Variants in SGF29 observed in about 807,000 individuals in gnomAD.
SGF29 encodes SAGA complex associated factor 29.
In SGF29, 15 loss-of-function variants were observed where a neutral mutation model predicts 38.1. That is an observed-to-expected ratio of 0.39 (90% confidence interval 0.26 to 0.61). SGF29 has a LOEUF of 0.61. Among genes scored for constraint, SGF29 ranks in the 20% least tolerant of loss-of-function variants. The pLI, the probability that SGF29 is intolerant of heterozygous loss-of-function variation, is 0.49. For missense variants in SGF29, 184 were observed against 394.6 expected, an observed-to-expected ratio of 0.47 and a Z score of 4.52; for synonymous variants, 151 against 160.8, an observed-to-expected ratio of 0.94 and a Z score of 0.46.
intron 1 of SGF29, 178 bp downstream of exon 1, chr16:28,554,275 G>T (rs1436086872): frequency 1.3e-5 from 2 of 151,754 alleles, no homozygotes; most frequent in Admixed American, 6.6e-5. Context: ...AGAGGAGGGC[G>T]GGGCCGGGGC....
chr16:28,589,551 T>A, intron 5 of SGF29: 1 of 224,422 alleles, frequency 4.5e-6, no homozygotes, highest in Non-Finnish European at 8.9e-6. Flanking sequence ...TAGGCTCTCC[T>A]ACCTGTCTGC....
intron 1 of SGF29, among the ~76,000 whole-genome samples, chr16:28,573,613 G>T (rs571773717): frequency 6.6e-6 from 1 of 152,298 alleles, no homozygotes; most frequent in South Asian, 2.1e-4. Flanking sequence ...TTCACTGGTA[G>T]AGGAGAAAGG....
At chr16:28,571,612 T>G (rs2046865180) in intron 1 of SGF29, among the ~76,000 whole-genome samples, 1 of 129,190 alleles carries the variant, frequency 7.7e-6, no homozygotes. Flanking sequence ...AAAAAAAAGA[T>G]TCTGAATCTT....
chr16:28,589,266 C>A, intron 5 of SGF29, 102 bp downstream of exon 5: 1 of 1,179,284 alleles, frequency 8.5e-7, no homozygotes, highest in South Asian at 1.2e-5. Flanking sequence ...CCACCACCTG[C>A]TGGCATCCTC....
chr16:28,563,684 G>A (rs772603378), intron 1 of SGF29, among the ~76,000 whole-genome samples: 2 of 140,680 alleles, frequency 1.4e-5, no homozygotes, highest in Non-Finnish European at 3.1e-5. Context: ...ACTCAGTTTT[G>A]TGTGTGTGTG....
intron 1 of SGF29, among the ~76,000 whole-genome samples, chr16:28,561,916 C>G (rs1343942256): frequency 6.6e-6 from 1 of 152,318 alleles, no homozygotes; most frequent in South Asian, 2.1e-4. Flanking sequence ...TCACAGAAAC[C>G]TTTGCTTCTA....
At chr16:28,583,940 G>A (rs1032744655) in intron 2 of SGF29, among the ~76,000 whole-genome samples, 1 of 152,086 alleles carries the variant, frequency 6.6e-6, no homozygotes, top group African/African-American at 2.4e-5. Context: ...AATTTTGATG[G>A]GGATTGCGTT....
In SGF29 at chr16:28,571,142, G is replaced by A. The variant is rs117518447; in HGVS notation, c.-15-9913G>A. On this transcript the variant is annotated intron_variant, in intron 1 of 9. Coordinates refer to ENST00000317058, the MANE Select transcript of SGF29 (RefSeq NM_138414.3). ...TGAGGATTCCACTCTCAAGAATGGG[G>A]TTAGCGCCCTTATGAAAGAGGCCTG... 8.9e-3 allele frequency among the ~76,000 whole-genome samples: 1,348 copies of A among 152,236 alleles called. 9 individuals carry two copies. The highest frequency in any genetic ancestry group is 0.014 in the Non-Finnish European group (967 of 68,010).
chr16:28,557,485 G>GTGTTT (rs2046759468), intron 1 of SGF29, among the ~76,000 whole-genome samples: 1 of 152,146 alleles, frequency 6.6e-6, no homozygotes, highest in Non-Finnish European at 1.5e-5. Flanking sequence ...TTTATAATAA[G>GTGTTT]CCAGTAAACC....
chr16:28,590,553 A>G lies in SGF29; in HGVS notation c.567-78A>G. On this transcript the variant is annotated intron_variant, in intron 7 of 9. Transcript: ENST00000317058. The surrounding 1 kb of genome is among the most constrained non-coding windows in gnomAD (Gnocchi z 8.2). ...AGAGGCTGGTTGTGCAGGGAGCACC[A>G]GGTCCTCCCCCATCCTCACTCCCCA... 1.2e-6 allele frequency: 2 copies of G among 1,609,772 alleles called. No homozygotes were observed. Among genetic ancestry groups the G allele is most frequent in the Non-Finnish European group, 1.7e-6 (2 of 1,177,102 alleles).
At chr16:28,560,483 G>T (rs1441342644) in intron 1 of SGF29, among the ~76,000 whole-genome samples, 2 of 151,160 alleles carry the variant, frequency 1.3e-5, no homozygotes, top group African/African-American at 4.9e-5. Flanking sequence ...CAGCTACTCA[G>T]GAAGCTGAGG....
At chr16:28,560,591 GAAA>G (rs973144396) in intron 1 of SGF29, among the ~76,000 whole-genome samples, 2 of 61,594 alleles carry the variant, frequency 3.2e-5, no homozygotes, top group African/African-American at 6.5e-5. Flanking sequence ...TCTGTCTCAA[GAAA>G]AAAAAAAAAA....
chr16:28,587,996 C>T (rs2046964784), intron 4 of SGF29, among the ~76,000 whole-genome samples: 1 of 152,044 alleles, frequency 6.6e-6, no homozygotes, highest in Non-Finnish European at 1.5e-5. Flanking sequence ...GAAGGAGTTT[C>T]TCTATGTTGG....
At chr16:28,583,816 A>G (rs934412344) in intron 2 of SGF29, among the ~76,000 whole-genome samples, 2 of 152,152 alleles carry the variant, frequency 1.3e-5, no homozygotes, top group African/African-American at 4.8e-5. Flanking sequence ...ATTGGGAAGT[A>G]TGAGTTCTCC....
Position 28,564,730 on chromosome 16 carries a change from T to C in SGF29, c.-16+10633T>C, listed in dbSNP as rs867502944. ...ATACATATATATGTATATATATACA[T>C]ATATATGTATATATGTATATATATG... On this transcript the variant is annotated intron_variant, in intron 1 of 9. Transcript: ENST00000317058. Among the ~76,000 whole-genome samples, 84 of 13,058 alleles carry C rather than the reference T, an allele frequency of 6.4e-3. 1 individual carries two copies. Among genetic ancestry groups the C allele is most frequent in the Non-Finnish European group, 7.2e-3 (47 of 6,552 alleles). 8.6% of individuals were successfully genotyped at this position (13,058 alleles called of 152,430 possible). A position where few individuals can be genotyped will look rare whatever the true frequency, so the allele number is the denominator to read the frequency against.
intron 2 of SGF29, among the ~76,000 whole-genome samples, chr16:28,581,485 C>A (rs1345661602): frequency 1.3e-5 from 2 of 152,094 alleles, no homozygotes; most frequent in African/African-American, 4.8e-5. Flanking sequence ...TAACACCCAA[C>A]AAAAATGCCC....
chr16:28,572,725 C>G (rs1019875511), intron 1 of SGF29, among the ~76,000 whole-genome samples: 6 of 152,126 alleles, frequency 3.9e-5, no homozygotes, highest in African/African-American at 1.4e-4. Context: ...GCAGCAAGAT[C>G]GTGTGTCTGA....
chr16:28,584,828 G>T, intron 2 of SGF29, 85 bp from the exon 3 acceptor site: 2 of 827,908 alleles, frequency 2.4e-6, no homozygotes, highest in Non-Finnish European at 2.0e-6. Flanking sequence ...GCCGTATTTT[G>T]GGGATGGGGA....
intron 1 of SGF29, among the ~76,000 whole-genome samples, chr16:28,577,204 T>C (rs533092113): frequency 2.2e-4 from 34 of 151,946 alleles, no homozygotes; most frequent in African/African-American, 7.5e-4. Flanking sequence ...ACTACATAAA[T>C]CTAAAGAGAC....
Sources: allele counts gnomAD v4.1 joint callset (sites outside exome capture counted in the v4.1 genomes callset), GRCh38; gene constraint gnomAD v4.1.1; non-coding constraint Gnocchi (gnomAD v3.1); transcripts MANE v1.5; gene names NCBI Gene and HGNC (gene_info 2026-07-23, HGNC 2026-07-21).